SAMD12: variants seen among roughly 807,000 people sequenced by gnomAD.
The protein encoded by SAMD12 is sterile alpha motif domain containing 12, also known as sterile alpha motif domain-containing protein 12.
A neutral mutation model predicts 15.0 loss-of-function variants in SAMD12; 9 were observed. The observed-to-expected ratio is 0.60, with a 90% CI of 0.36 to 1.05. The LOEUF (loss-of-function observed/expected upper bound fraction) is 1.05. SAMD12 is among the 50% of genes least tolerant of loss of function. The pLI, the probability that SAMD12 is intolerant of heterozygous loss-of-function variation, is 0.01. For synonymous variants in SAMD12, 86 were observed against 90.1 expected (o/e 0.96, Z 0.25); for missense variants, 230 against 234.2 (o/e 0.98, Z 0.12).
At chr8:118,558,634 C>A (rs958498140) in intron 2 of SAMD12, among the ~76,000 whole-genome samples, 2 of 152,092 alleles carry the variant, frequency 1.3e-5, no homozygotes, top group African/African-American at 4.8e-5. Context: ...TCCTGGCTCA[C>A]GGCAAGCTCC....
chr8:118,206,855 A>G (rs1378326774), intron 4 of SAMD12, among the ~76,000 whole-genome samples: 2 of 152,232 alleles, frequency 1.3e-5, no homozygotes, highest in African/African-American at 4.8e-5. Context: ...CTCTGTAAGC[A>G]CTACTGCTGT....
At chr8:118,443,475 C>A (rs1359995381) in intron 2 of SAMD12, among the ~76,000 whole-genome samples, 1 of 150,306 alleles carries the variant, frequency 6.7e-6, no homozygotes, top group Non-Finnish European at 1.5e-5. Context: ...AAAACACTGT[C>A]TCAAAAAAAA....
intron 4 of SAMD12, among the ~76,000 whole-genome samples, chr8:118,253,959 T>C (rs897450946): frequency 4.6e-5 from 7 of 152,158 alleles, no homozygotes; most frequent in Non-Finnish European, 1.5e-5. Context: ...TACATTTCAC[T>C]CTTGTTGAAA....
chr8:118,599,507 C>T (rs565792286), intron 1 of SAMD12, among the ~76,000 whole-genome samples: 1 of 152,138 alleles, frequency 6.6e-6, no homozygotes, highest in Non-Finnish European at 1.5e-5. Flanking sequence ...CTGCTGGTAC[C>T]GCTTCTGTCA....
rs762035151 is a variant in SAMD12 at position 118,269,194 on chromosome 8, TTCTCTCTCTC to T, written c.434-71472_434-71463del. Among the ~76,000 whole-genome samples the T allele has an allele frequency of 5.3e-3, 734 of 138,546 alleles. 1 individual carries two copies. The highest frequency in any genetic ancestry group is 8.3e-3 in the Non-Finnish European group (549 of 65,794). The allele number at this position is 138,546 out of a possible 152,430, so 90.9% of individuals were successfully genotyped here. On this transcript the variant is annotated intron_variant, in intron 4 of 4. Transcript: ENST00000409003. ...CCTTTCACATTCTTCTTTGCTTTTG[TTCTCTCTCTC>T]TCTCTCTCTCTCTCTCTGTGTGTGT...
At chr8:118,398,859 C>A (rs946803787) in intron 3 of SAMD12, among the ~76,000 whole-genome samples, 1 of 152,008 alleles carries the variant, frequency 6.6e-6, no homozygotes, top group Non-Finnish European at 1.5e-5. Context: ...ATCAGTTATA[C>A]TTCCATAAAG....
At chr8:118,225,226 A>G (rs1387170445) in intron 4 of SAMD12, among the ~76,000 whole-genome samples, 1 of 152,194 alleles carries the variant, frequency 6.6e-6, no homozygotes, top group Non-Finnish European at 1.5e-5. Context: ...ACTACCAAAA[A>G]ACTATGCCCC....
chr8:118,310,964 T>C (rs1385395743), intron 4 of SAMD12, among the ~76,000 whole-genome samples: 1 of 152,232 alleles, frequency 6.6e-6, no homozygotes, highest in Non-Finnish European at 1.5e-5. Context: ...TAGAAAGATT[T>C]TAATGCATGT....
At chr8:118,315,349 T>C (rs1815838561) in intron 4 of SAMD12, among the ~76,000 whole-genome samples, 1 of 152,210 alleles carries the variant, frequency 6.6e-6, no homozygotes, top group Non-Finnish European at 1.5e-5. Flanking sequence ...TCAATATAGA[T>C]ATTCACCTTG....
intron 2 of SAMD12, among the ~76,000 whole-genome samples, chr8:118,482,858 C>T (rs1301829445): frequency 1.3e-5 from 2 of 152,094 alleles, no homozygotes; most frequent in Admixed American, 6.5e-5. Flanking sequence ...TGAGAAAAGG[C>T]CCAGAAAGGA....
chr8:118,422,237 G>A (rs940880954), intron 3 of SAMD12, among the ~76,000 whole-genome samples: 1 of 152,252 alleles, frequency 6.6e-6, no homozygotes, highest in Non-Finnish European at 1.5e-5. Flanking sequence ...GCTAGAGATA[G>A]TAAGATAAAT....
intron 3 of SAMD12, among the ~76,000 whole-genome samples, chr8:118,399,065 G>A (rs1820738053): frequency 6.6e-6 from 1 of 152,066 alleles, no homozygotes; most frequent in Non-Finnish European, 1.5e-5. Context: ...AAAGTTTTTA[G>A]TAGAGATGAG....
chr8:118,222,198 GAAAGC>G, intron 4 of SAMD12, among the ~76,000 whole-genome samples: 2 of 152,066 alleles, frequency 1.3e-5, no homozygotes, highest in Middle Eastern at 6.8e-3. Context: ...AATCAGCAGG[GAAAGC>G]AAGAGGAGGA....
At chr8:118,358,505 T>C (rs1285044445) in intron 4 of SAMD12, among the ~76,000 whole-genome samples, 2 of 152,198 alleles carry the variant, frequency 1.3e-5, no homozygotes, top group Non-Finnish European at 2.9e-5. Context: ...ATGTTGCCTT[T>C]CATGAAGTCC....
At chr8:118,440,414 G>C (rs1822705503) in intron 2 of SAMD12, among the ~76,000 whole-genome samples, 1 of 152,150 alleles carries the variant, frequency 6.6e-6, no homozygotes, top group African/African-American at 2.4e-5. Flanking sequence ...AGGAACGAAT[G>C]TTACTGGATT....
chr8:118,444,856 A>G (rs1822862679), intron 2 of SAMD12, among the ~76,000 whole-genome samples: 1 of 152,208 alleles, frequency 6.6e-6, no homozygotes, highest in African/African-American at 2.4e-5. Context: ...TTATAAGAGA[A>G]CACTGCAATT....
At chr8:118,175,200 T>C in the SAMD12 span, among the ~76,000 whole-genome samples, 14 of 152,138 alleles carry the variant, frequency 9.2e-5, no homozygotes, top group African/African-American at 3.4e-4. Flanking sequence ...CCTACAACCA[T>C]CTGATCTTCA....
chr8:118,254,360 C>G (rs543626889), intron 4 of SAMD12, among the ~76,000 whole-genome samples: 1 of 152,158 alleles, frequency 6.6e-6, no homozygotes, highest in South Asian at 2.1e-4. Context: ...TTCCCAATAG[C>G]CTTTATCAGT....
At chr8:118,360,426 C>T (rs7000354) in intron 4 of SAMD12, among the ~76,000 whole-genome samples, 33,664 of 151,804 alleles carry the variant, frequency 0.22, 4,399 homozygotes, top group African/African-American at 0.34. Flanking sequence ...TATTTAAAGA[C>T]TAAAACTGCC....
Sources: allele counts gnomAD v4.1 joint callset (sites outside exome capture counted in the v4.1 genomes callset), GRCh38; gene constraint gnomAD v4.1.1; transcripts MANE v1.5; gene names NCBI Gene and HGNC (gene_info 2026-07-23, HGNC 2026-07-21).